The following ERICH1 variants were observed in gnomAD, a reference collection of about 807,000 sequenced individuals.
The protein encoded by ERICH1 is glutamate rich 1.
ERICH1 carries 56 observed loss-of-function variants against 39.6 expected under a neutral mutation model. The observed-to-expected ratio is 1.41, with a 90% CI of 1.14 to 1.77. The LOEUF is 1.77. ERICH1 is among the 40% of genes most tolerant of loss of function. ERICH1 has a pLI of 0.00. For synonymous variants in ERICH1, 313 were observed against 223.6 expected, an observed-to-expected ratio of 1.40 and a Z score of -3.57; for missense variants, 826 against 575.4, an observed-to-expected ratio of 1.44 and a Z score of -4.45.
intron 3 of ERICH1, among the ~76,000 whole-genome samples, chr8:682,354 C>T (rs1390361478): frequency 6.6e-6 from 1 of 152,174 alleles, no homozygotes; most frequent in Non-Finnish European, 1.5e-5. Flanking sequence ...GGGAAAACAA[C>T]AGAGGCTTCA....
chr8:699,926 C>T (rs369946557), intron 2 of ERICH1, among the ~76,000 whole-genome samples: 3 of 142,688 alleles, frequency 2.1e-5, no homozygotes, highest in African/African-American at 7.8e-5. Context: ...CAGGCCCGCA[C>T]AGGCGCACAG....
intron 2 of ERICH1, among the ~76,000 whole-genome samples, chr8:694,180 T>C (rs1279729768): frequency 6.6e-6 from 1 of 152,192 alleles, no homozygotes; most frequent in East Asian, 1.9e-4. Context: ...GGTTCCACTG[T>C]AGTCAACACA....
At chr8:695,125 C>T (rs567783387) in intron 2 of ERICH1, among the ~76,000 whole-genome samples, 1 of 152,090 alleles carries the variant, frequency 6.6e-6, no homozygotes, top group Non-Finnish European at 1.5e-5. Context: ...CTCCTTTCTC[C>T]CCGTCAGGTT....
At chr8:706,644 T>G (rs1297156432) in intron 2 of ERICH1, among the ~76,000 whole-genome samples, 1 of 152,080 alleles carries the variant, frequency 6.6e-6, no homozygotes, top group African/African-American at 2.4e-5. Flanking sequence ...TCGGACGTGG[T>G]GGCACACGCA....
intron 2 of ERICH1, among the ~76,000 whole-genome samples, chr8:698,815 G>A (rs1333367064): frequency 6.6e-6 from 1 of 151,898 alleles, no homozygotes; most frequent in Non-Finnish European, 1.5e-5. Context: ...AAAAAGTGCT[G>A]GAGGCAAAAC....
At chr8:685,358 T>C (rs1277760801) in intron 3 of ERICH1, among the ~76,000 whole-genome samples, 1 of 152,198 alleles carries the variant, frequency 6.6e-6, no homozygotes, top group African/African-American at 2.4e-5. Context: ...ATCCTGTTCT[T>C]TTGTCAAGAT....
At chr8:722,500 A>G (rs1456004759) in intron 1 of ERICH1, among the ~76,000 whole-genome samples, 1 of 152,256 alleles carries the variant, frequency 6.6e-6, no homozygotes, top group African/African-American at 2.4e-5. Context: ...AAAGTGTTCT[A>G]TGGAAATTAC....
intron 3 of ERICH1, among the ~76,000 whole-genome samples, chr8:659,001 C>A (rs1156872936): frequency 3.5e-5 from 4 of 113,738 alleles, no homozygotes; most frequent in African/African-American, 1.3e-4. Flanking sequence ...CCGGTGTGCA[C>A]TGAGCATCCT....
rs181407123 is a variant in ERICH1, at chr8:729,686, C to T, written c.22+1454G>A. On this transcript the variant is annotated intron_variant, in intron 1 of 5. Coordinates refer to ENST00000262109, the MANE Select transcript of ERICH1 (RefSeq NM_207332.3). Reference sequence around the variant, plus strand: ...TTCCAACCACAATGTCCTTAAACAACGTAAATTTACTTGACCATTCTGTCA... The same window carrying T: ...TTCCAACCACAATGTCCTTAAACAATGTAAATTTACTTGACCATTCTGTCA... Among the ~76,000 whole-genome samples, 221 of 152,002 alleles carry T rather than the reference C, an allele frequency of 1.5e-3. 1 individual carries two copies. The highest frequency in any genetic ancestry group is 7.0e-3 in the Admixed American group (107 of 15,290).
downstream of ERICH1, among the ~76,000 whole-genome samples, chr8:660,972 C>T (rs1373580243): frequency 6.6e-6 from 1 of 152,186 alleles, no homozygotes; most frequent in African/African-American, 2.4e-5. Context: ...GCTCCTCCGC[C>T]AGGCACTGTG....
At chr8:653,497 G>T (rs534355603) in intron 3 of ERICH1, among the ~76,000 whole-genome samples, 2 of 152,140 alleles carry the variant, frequency 1.3e-5, no homozygotes, top group Non-Finnish European at 2.9e-5. Flanking sequence ...CCTCACTGCC[G>T]AGTTTTATAT....
chr8:681,294 T>C (rs1207080424), intron 3 of ERICH1, among the ~76,000 whole-genome samples: 1 of 152,168 alleles, frequency 6.6e-6, no homozygotes, highest in African/African-American at 2.4e-5. Flanking sequence ...TTCTGGACAA[T>C]GGAGCACTGT....
At chr8:715,592 CCA>C (rs1454215715) in intron 2 of ERICH1, among the ~76,000 whole-genome samples, 1 of 152,206 alleles carries the variant, frequency 6.6e-6, no homozygotes, top group Admixed American at 6.5e-5. Flanking sequence ...GGCCCAAGCC[CCA>C]GTTTCAGTCC....
At chr8:720,714 T>G (rs1407583684) in intron 1 of ERICH1, among the ~76,000 whole-genome samples, 1 of 152,174 alleles carries the variant, frequency 6.6e-6, no homozygotes, top group Non-Finnish European at 1.5e-5. Flanking sequence ...AAAGAAAACC[T>G]TTCAGCAGCC....
At chr8:656,626 G>A (rs564244964) in intron 3 of ERICH1, 3 of 493,554 alleles carry the variant, frequency 6.1e-6, no homozygotes, top group South Asian at 8.7e-5. Context: ...GCTTGCCCCT[G>A]GGACCCTGTC....
chr8:704,422 G>T (rs1054338888), intron 2 of ERICH1, among the ~76,000 whole-genome samples: 2 of 152,118 alleles, frequency 1.3e-5, no homozygotes, highest in African/African-American at 4.8e-5. Flanking sequence ...CATAGAACAA[G>T]GACAGGGAGG....
At chr8:723,975 C>G (rs898857006) in intron 1 of ERICH1, among the ~76,000 whole-genome samples, 6 of 152,000 alleles carry the variant, frequency 3.9e-5, no homozygotes, top group African/African-American at 1.4e-4. Flanking sequence ...TGAGGAGTTT[C>G]GTAACAGAAT....
exon 4 of ERICH1, chr8:615,012 C>T: frequency 2.3e-6 from 1 of 431,286 alleles, no homozygotes; most frequent in Non-Finnish European, 4.1e-6. Context: ...GGCACTGCCT[C>T]ATTCAAGCCA....
chr8:638,957 A>G (rs1798683233), intron 3 of ERICH1, among the ~76,000 whole-genome samples: 1 of 152,080 alleles, frequency 6.6e-6, no homozygotes, highest in African/African-American at 2.4e-5. Flanking sequence ...ATAAACGCCT[A>G]TCTTTCCAGG....
Sources: gnomAD v4.1 joint callset for allele counts (sites outside exome capture counted in the v4.1 genomes callset) on GRCh38, gnomAD v4.1.1 for gene constraint, MANE v1.5 for transcripts, NCBI Gene and HGNC (gene_info 2026-07-23, HGNC 2026-07-21) for gene names.